Variants in CFI observed in about 807,000 individuals in gnomAD.
CFI encodes complement factor I, also known as C3B/C4B inactivator.
In CFI, 66 loss-of-function variants were observed where a neutral mutation model predicts 78.8. That is an observed-to-expected ratio of 0.84 (90% CI 0.69 to 1.03). CFI has a LOEUF of 1.03. CFI is among the 50% of genes least tolerant of loss of function. The pLI, the probability that CFI is intolerant of heterozygous loss-of-function variation, is 0.00. For missense variants in CFI, 706 were observed against 704.5 expected, an observed-to-expected ratio of 1.00 and a Z score of -0.02; for synonymous variants, 250 against 232.6, an observed-to-expected ratio of 1.07 and a Z score of -0.68.
downstream of CFI, among the ~76,000 whole-genome samples, chr4:109,736,741 G>A (rs941152903): frequency 2.0e-5 from 3 of 152,186 alleles, no homozygotes; most frequent in Non-Finnish European, 4.4e-5. Flanking sequence ...GACAGAGTCC[G>A]TATGTAGTTC....
intron 1 of CFI, among the ~76,000 whole-genome samples, chr4:109,787,713 A>C (rs1432892362): frequency 6.6e-6 from 1 of 151,860 alleles, no homozygotes; most frequent in Non-Finnish European, 1.5e-5. Context: ...CTTGTGTGCT[A>C]ATTTTTAGTC....
chr4:109,742,688 G>A, intron 11 of CFI, 93 bp from the exon 12 acceptor site: 1 of 820,014 alleles, frequency 1.2e-6, no homozygotes, highest in Non-Finnish European at 2.1e-6. Flanking sequence ...TTATGAAAGG[G>A]TGTATAGTTT....
chr4:109,758,409 T>C (rs1045314984), intron 6 of CFI, among the ~76,000 whole-genome samples: 6 of 152,018 alleles, frequency 3.9e-5, no homozygotes, highest in Admixed American at 3.3e-4. Context: ...AAAGCACTGA[T>C]GGAAGCAAAG....
chr4:109,740,357 AGAAAGAAG>A (rs1723647428), downstream of CFI, among the ~76,000 whole-genome samples: 1 of 151,554 alleles, frequency 6.6e-6, no homozygotes, highest in African/African-American at 2.4e-5. Context: ...AAAGAGAGAA[AGAAAGAAG>A]GAAAGAGAGA....
At chr4:109,742,399 C>T in intron 12 of CFI, 92 bp downstream of exon 12, 1 of 852,880 alleles carries the variant, frequency 1.2e-6, no homozygotes. Context: ...GGAATTAGGG[C>T]CCAAAGCATG....
chr4:109,764,328 A>G (rs981833654), intron 3 of CFI: 2 of 613,608 alleles, frequency 3.3e-6, no homozygotes, highest in African/African-American at 3.7e-5. Flanking sequence ...ATACTTCAAC[A>G]GACTTATTAT....
intron 6 of CFI, 35 bp from the exon 7 acceptor site, chr4:109,757,818 A>T: frequency 7.7e-7 from 1 of 1,302,182 alleles, no homozygotes; most frequent in Admixed American, 2.4e-5. Flanking sequence ...TTATCAAAGG[A>T]TAATTTTTGG....
downstream of CFI, among the ~76,000 whole-genome samples, chr4:109,738,530 C>A (rs1329257209): frequency 1.3e-5 from 2 of 152,198 alleles, no homozygotes; most frequent in Non-Finnish European, 2.9e-5. Flanking sequence ...TACACCTCCT[C>A]CCTGCCGCCA....
intron 11 of CFI, 39 bp from the exon 12 acceptor site, chr4:109,742,634 A>C: frequency 7.9e-7 from 1 of 1,263,170 alleles, no homozygotes; most frequent in Non-Finnish European, 1.2e-6. Flanking sequence ...GAAGTCACAA[A>C]TGAGAAATCT....
In CFI at chr4:109,741,078, C is replaced by T; in HGVS notation, c.1567G>A (p.Gly523Arg). Residue 523 changes from glycine (G) to arginine (R), a missense_variant, in exon 13 of 13, where the codon GGG becomes AGG. Transcript: ENST00000394634. Reference sequence around the variant, plus strand: ...CAGACTAAGGGGCCTCCAGAGTCCCCTTTACAGGCATCGATGGAACCATCA... The same window carrying T: ...CAGACTAAGGGGCCTCCAGAGTCCCTTTTACAGGCATCGATGGAACCATCA... ...TYDGSIDACK[G>R]DSGGPLVCMD... The T allele has an allele frequency of 6.2e-7, 1 of 1,614,134 alleles. No individual in the cohort carries two copies.
intron 1 of CFI, among the ~76,000 whole-genome samples, chr4:109,790,860 T>C (rs1045421951): frequency 6.6e-6 from 1 of 152,210 alleles, no homozygotes; most frequent in Non-Finnish European, 1.5e-5. Context: ...GATGGGCATT[T>C]AAGGTGATTC....
intron 4 of CFI, among the ~76,000 whole-genome samples, chr4:109,760,921 C>T (rs1726973489): frequency 6.6e-6 from 1 of 152,136 alleles, no homozygotes; most frequent in Non-Finnish European, 1.5e-5. Context: ...CATTGACAAA[C>T]ACTGGTTTCC....
chr4:109,780,244 C>T lies in CFI; in HGVS notation c.58-13420G>A, dbSNP rs371378878. ...ATGGGAGAAAATTTTTGCAATCTAC[C>T]CATCTGACGACAGGCTAATATCTGG... On this transcript the variant is annotated intron_variant, in intron 1 of 12. Transcript: ENST00000394634. 7.9e-5 allele frequency among the ~76,000 whole-genome samples: 12 copies of T among 151,990 alleles called. No individual in the cohort carries two copies. In the South Asian group the frequency reaches 1.5e-3, roughly 18 times the overall value.
chr4:109,765,387 G>A (rs1189568180), intron 2 of CFI, among the ~76,000 whole-genome samples: 1 of 152,206 alleles, frequency 6.6e-6, no homozygotes, highest in East Asian at 1.9e-4. Flanking sequence ...CCTAAGCTTT[G>A]CTGTCAGACA....
At chr4:109,786,397 T>G (rs950769902) in intron 1 of CFI, among the ~76,000 whole-genome samples, 1 of 152,158 alleles carries the variant, frequency 6.6e-6, no homozygotes, top group African/African-American at 2.4e-5. Flanking sequence ...TATCTTTTTT[T>G]TCTCTAGGCA....
the CFI span, among the ~76,000 whole-genome samples, chr4:109,731,697 C>G: frequency 3.9e-5 from 6 of 152,104 alleles, no homozygotes; most frequent in African/African-American, 1.4e-4. Flanking sequence ...AACCAGGAGT[C>G]TTGGGCAGTG....
chr4:109,770,997 AAGTGCTTGCCCCTGGAGAGAG>A (rs1728513642), intron 1 of CFI, among the ~76,000 whole-genome samples: 1 of 152,158 alleles, frequency 6.6e-6, no homozygotes, highest in South Asian at 2.1e-4. Context: ...AAAGATTTGA[AAGTGCTTGCCCCTGGAGAGAG>A]AGTTAGGGGT....
intron 1 of CFI, among the ~76,000 whole-genome samples, chr4:109,775,676 A>G (rs1729137273): frequency 6.6e-6 from 1 of 152,178 alleles, no homozygotes; most frequent in South Asian, 2.1e-4. Context: ...GGAGTTTGAG[A>G]TCTGAGAATG....
chr4:109,795,855 G>T (rs1731991793), intron 1 of CFI, among the ~76,000 whole-genome samples: 1 of 152,022 alleles, frequency 6.6e-6, no homozygotes, highest in Admixed American at 6.6e-5. Flanking sequence ...AGGACTTGTG[G>T]GATACCCTCA....
Sources: allele counts gnomAD v4.1 joint callset (sites outside exome capture counted in the v4.1 genomes callset), GRCh38; gene constraint gnomAD v4.1.1; transcripts MANE v1.5; gene names NCBI Gene and HGNC (gene_info 2026-07-23, HGNC 2026-07-21).